MOK: variants seen among roughly 807,000 people sequenced by gnomAD.
MOK encodes MAPK/MAK/MRK overlapping kinase.
MOK carries 59 observed loss-of-function variants against 54.2 expected under a neutral mutation model. The ratio of observed to expected loss-of-function variants is 1.09; its 90% CI spans 0.88 to 1.35. MOK has a LOEUF of 1.35. Ranked by LOEUF, MOK falls within the 40% of genes most tolerant of loss-of-function variation. MOK has a pLI of 0.00. For missense variants in MOK, 517 were observed against 526.2 expected (o/e 0.98, Z 0.17); for synonymous variants, 210 against 202.7 (o/e 1.04, Z -0.31).
chr14:102,252,068 T>C (rs2153111349), intron 4 of MOK, 73 bp from the exon 5 acceptor site: 2 of 892,612 alleles, frequency 2.2e-6, no homozygotes, highest in South Asian at 3.1e-5. Flanking sequence ...AAAAATAATC[T>C]ATTTTTATTT....
the MOK span, among the ~76,000 whole-genome samples, chr14:102,218,635 G>A: frequency 8.6e-5 from 13 of 152,014 alleles, no homozygotes; most frequent in Non-Finnish European, 1.9e-4. Context: ...CAAACCAAGA[G>A]CTGGAGTATT....
chr14:102,243,820 C>T (rs1209687337), intron 7 of MOK, among the ~76,000 whole-genome samples: 1 of 152,236 alleles, frequency 6.6e-6, no homozygotes, highest in Non-Finnish European at 1.5e-5. Flanking sequence ...TTATCCATGG[C>T]AGTTCCACCA....
rs1429240050 is a variant in MOK at position 102,231,733 on chromosome 14, G to A, written c.955C>T (p.Gln319Ter). 37 of 1,611,330 alleles carry A rather than the reference G, an allele frequency of 2.3e-5. No individual in the cohort carries two copies. Among genetic ancestry groups the A allele is most frequent in the Non-Finnish European group, 3.1e-5 (36 of 1,179,048 alleles). Residue 319 changes from glutamine (Q) to a stop codon, truncating the protein, a stop_gained, in exon 10 of 12, where the codon CAG (glutamine) becomes TAG (stop). Coordinates refer to ENST00000361847, the MANE Select transcript of MOK (RefSeq NM_014226.3). LOFTEE classifies it high-confidence loss of function. This position sits in a 1 kb window ranked among gnomAD's most constrained non-coding sequence, Gnocchi z 4.4. Reference protein sequence around the residue: ...VAPEPLSNSCQISKEGRKQKQ... With the variant: ...VAPEPLSNSC Reference sequence around the variant, plus strand: ...TGCTTTCTGCCCTCCTTGGAAATCTGGCAGCTGTTACTGAGTGGTTCCGGT... The same window carrying A: ...TGCTTTCTGCCCTCCTTGGAAATCTAGCAGCTGTTACTGAGTGGTTCCGGT...
chr14:102,254,410 TA>T (rs1268335912), intron 4 of MOK, among the ~76,000 whole-genome samples: 2 of 152,262 alleles, frequency 1.3e-5, no homozygotes, highest in Non-Finnish European at 2.9e-5. Context: ...CCCAAGCTGA[TA>T]ATTCTGGAAT....
At chr14:102,286,149 A>G (rs976724400) in intron 1 of MOK, among the ~76,000 whole-genome samples, 5 of 150,976 alleles carry the variant, frequency 3.3e-5, no homozygotes, top group Admixed American at 6.6e-5. Context: ...AATACAAAAA[A>G]TTAGCCGGGC....
chr14:102,255,297 G>A (rs1221373019), intron 4 of MOK, among the ~76,000 whole-genome samples: 2 of 152,136 alleles, frequency 1.3e-5, no homozygotes, highest in African/African-American at 2.4e-5. Context: ...CAGCCTGGGT[G>A]ACACAGTGAG....
intron 8 of MOK, 184 bp downstream of exon 8, chr14:102,233,504 A>G: frequency 1.7e-6 from 1 of 581,440 alleles, no homozygotes; most frequent in Non-Finnish European, 3.1e-6. Context: ...CACCTTTGAG[A>G]CCACTTAAAG....
chr14:102,252,541 C>CT (rs33915924), intron 4 of MOK, among the ~76,000 whole-genome samples: 4 of 151,468 alleles, frequency 2.6e-5, no homozygotes, highest in Non-Finnish European at 5.9e-5. Context: ...TTTTATTTTT[C>CT]TTTTTGGCAG....
intron 4 of MOK, among the ~76,000 whole-genome samples, chr14:102,254,014 T>C (rs1249545362): frequency 2.0e-5 from 3 of 151,944 alleles, no homozygotes; most frequent in African/African-American, 7.3e-5. Context: ...GGACGAAGTG[T>C]AGCACTGTCG....
chr14:102,292,525 A>G (rs978490120), intron 1 of MOK, among the ~76,000 whole-genome samples: 1 of 152,100 alleles, frequency 6.6e-6, no homozygotes, highest in East Asian at 1.9e-4. Context: ...TATGGAGTAC[A>G]TAGTGTGTAA....
chr14:102,278,379 A>AGT (rs1485333277), intron 2 of MOK, among the ~76,000 whole-genome samples: 1 of 145,462 alleles, frequency 6.9e-6, no homozygotes, highest in Non-Finnish European at 1.5e-5. Context: ...TATACTTTTA[A>AGT]GTAAAAAAAA....
At chr14:102,275,563 C>CA (rs35983579) in intron 2 of MOK, among the ~76,000 whole-genome samples, 27,292 of 70,932 alleles carry the variant, frequency 0.38, 4,948 homozygotes, top group African/African-American at 0.58. Flanking sequence ...GACTCCATCT[C>CA]AAAAAAAAAA....
chr14:102,287,711 A>G (rs1472102021), intron 1 of MOK, among the ~76,000 whole-genome samples: 1 of 152,200 alleles, frequency 6.6e-6, no homozygotes, highest in East Asian at 1.9e-4. Context: ...AAACATAGAT[A>G]ATAACAAGTG....
chr14:102,298,159 A>T (rs2071665854), intron 1 of MOK, among the ~76,000 whole-genome samples: 2 of 152,236 alleles, frequency 1.3e-5, no homozygotes, highest in Admixed American at 6.5e-5. Context: ...TCCTGAGTCT[A>T]GTGGGGACTT....
downstream of MOK, chr14:102,226,338 G>A (rs775786285): frequency 8.5e-6 from 6 of 703,144 alleles, no homozygotes; most frequent in Non-Finnish European, 1.6e-5. This position sits in a 1 kb window ranked among gnomAD's most constrained non-coding sequence, Gnocchi z 4.8. Context: ...CTCAGCAGAG[G>A]GTTGAGGGAT....
intron 2 of MOK, among the ~76,000 whole-genome samples, chr14:102,277,897 T>A (rs1488830112): frequency 6.6e-6 from 1 of 152,226 alleles, no homozygotes; most frequent in Non-Finnish European, 1.5e-5. Context: ...CGTTATAGAT[T>A]GCATGTTTGT....
chr14:102,298,465 T>G (rs1456097651), intron 1 of MOK, among the ~76,000 whole-genome samples: 1 of 152,052 alleles, frequency 6.6e-6, no homozygotes, highest in Admixed American at 6.5e-5. Flanking sequence ...CAGCACCCTG[T>G]ATCTAGCTCA....
intron 1 of MOK, 91 bp from the exon 2 acceptor site, chr14:102,283,683 A>G (rs2153171419): frequency 2.7e-6 from 2 of 741,486 alleles, no homozygotes; most frequent in Non-Finnish European, 4.4e-6. Context: ...CTATAAGATA[A>G]TTTAAACAGC....
chr14:102,269,130 AAG>A (rs748846612), intron 2 of MOK, among the ~76,000 whole-genome samples: 4 of 152,210 alleles, frequency 2.6e-5, no homozygotes, highest in Non-Finnish European at 5.9e-5. Flanking sequence ...ATGATAAAAA[AAG>A]AGTCAATACA....
Sources: gnomAD v4.1 joint callset for allele counts (sites outside exome capture counted in the v4.1 genomes callset) on GRCh38, gnomAD v4.1.1 for gene constraint, Gnocchi (gnomAD v3.1) non-coding constraint, MANE v1.5 for transcripts, NCBI Gene and HGNC (gene_info 2026-07-23, HGNC 2026-07-21) for gene names.